UTP20: variants seen among roughly 807,000 people sequenced by gnomAD.
The protein encoded by UTP20 is UTP20 small subunit processome component.
Under a neutral mutation model 329.5 loss-of-function variants are expected in UTP20, and 164 were observed. That is an observed-to-expected ratio of 0.50 (90% CI 0.44 to 0.57). UTP20 has a LOEUF of 0.57. Among genes scored for constraint, UTP20 ranks in the 20% least tolerant of loss-of-function variants. UTP20 has a pLI of 0.00. For synonymous variants in UTP20, 1,151 were observed against 1,159.3 expected, an observed-to-expected ratio of 0.99 and a Z score of 0.14; for missense variants, 3,055 against 3,284.2, an observed-to-expected ratio of 0.93 and a Z score of 1.71.
chr12:101,375,016 T>C, intron 55 of UTP20, 77 bp downstream of exon 55: 2 of 1,017,944 alleles, frequency 2.0e-6, no homozygotes, highest in African/African-American at 3.2e-5. Context: ...AGATTAGATA[T>C]CAGCTTATAG....
At chr12:101,318,489 G>A (rs538578638) in intron 22 of UTP20, among the ~76,000 whole-genome samples, 1 of 152,208 alleles carries the variant, frequency 6.6e-6, no homozygotes, top group African/African-American at 2.4e-5. Context: ...AATCCTGCCT[G>A]GGTGAAATAT....
intron 56 of UTP20, 75 bp from the exon 57 acceptor site, chr12:101,379,296 A>G: frequency 7.4e-7 from 1 of 1,353,920 alleles, no homozygotes; most frequent in Middle Eastern, 2.1e-4. Flanking sequence ...TACTCTGTAA[A>G]TGCTTAACTT....
At chr12:101,300,440 A>G (rs1375770309) in intron 14 of UTP20, among the ~76,000 whole-genome samples, 1 of 152,142 alleles carries the variant, frequency 6.6e-6, no homozygotes, top group East Asian at 1.9e-4. Context: ...TGCAACTTTT[A>G]CAACTGTATG....
chr12:101,334,288 TTG>T, intron 28 of UTP20, 135 bp from the exon 29 acceptor site: 2 of 665,702 alleles, frequency 3.0e-6, no homozygotes, highest in Non-Finnish European at 4.9e-6. Flanking sequence ...CTTTTTCTTA[TTG>T]TGTCATTTGG....
At chr12:101,295,755 G>A in intron 12 of UTP20, 97 bp downstream of exon 12, 2 of 1,284,636 alleles carry the variant, frequency 1.6e-6, no homozygotes, top group Non-Finnish European at 2.1e-6. Flanking sequence ...ATATGTAACA[G>A]GAAAGATGTC....
intron 21 of UTP20, among the ~76,000 whole-genome samples, chr12:101,314,601 T>G (rs1315605125): frequency 8.1e-5 from 12 of 148,984 alleles, no homozygotes; most frequent in Non-Finnish European, 5.9e-5. Flanking sequence ...GAGGTTGCAG[T>G]GAGCCAAAAT....
rs1345281447 is a variant in UTP20 at position 101,304,985 on chromosome 12, C to CA, written c.1782-929dup. On this transcript the variant is annotated intron_variant, in intron 15 of 61. Transcript: ENST00000261637. ...CCCTCTGCCTAGAATGCTTTTCTTT[C>CA]AGATACCCTTTTAGCTGACTTTTTC... Among the ~76,000 whole-genome samples, 3 of 152,172 alleles carry CA rather than the reference C, an allele frequency of 2.0e-5. No homozygotes were observed. The East Asian group carries it at 5.8e-4, about 29-fold the overall frequency.
Position 101,329,249 on chromosome 12 carries a change from C to T in UTP20, c.3217C>T (p.His1073Tyr). Residue 1073 changes from histidine to tyrosine, a missense_variant, in exon 27 of 62, where the codon CAT (histidine) becomes TAT (tyrosine). Around this residue, in one of 3 missense-constraint regions of UTP20, gnomAD observed 2,445 missense variants for 2,575.5 expected, o/e 0.95. Transcript: ENST00000261637. ...PVRHFKNGECHSAVIQAVEDL... is the reference protein window; with the variant it reads ...PVRHFKNGECYSAVIQAVEDL... ...CCTCTTTGTTTCACTAGGAGAGTGC[C>T]ATTCTGCAGTCATTCAAGCAGTAGA... The T allele has an allele frequency of 6.2e-7, 1 of 1,613,928 alleles. No individual in the cohort carries two copies. Among genetic ancestry groups the T allele is most frequent in the Non-Finnish European group, 8.5e-7 (1 of 1,179,954 alleles).
Position 101,386,000 on chromosome 12 carries a change from A to G in UTP20, c.8235A>G (p.Lys2745=). The G allele has an allele frequency of 1.2e-6, 2 of 1,604,988 alleles. No individual in the cohort carries two copies. The highest frequency in any genetic ancestry group is 1.7e-6 in the Non-Finnish European group (2 of 1,176,776). Residue 2745 remains lysine (K), a synonymous_variant, in exon 62 of 62, where the codon AAA becomes AAG. Coordinates refer to ENST00000261637, the MANE Select transcript of UTP20 (RefSeq NM_014503.3). ...FVTNPDIAAK[K]KMKKHKNKSE... The stretch of plus-strand genomic sequence containing the variant: ...CTAATCCTGATATTGCTGCCAAGAA[A>G]AAAATGAAGAAACACAAAAATAAAA...
At chr12:101,286,854 G>A (rs112630850) in intron 5 of UTP20, among the ~76,000 whole-genome samples, 2 of 151,882 alleles carry the variant, frequency 1.3e-5, no homozygotes, top group Non-Finnish European at 2.9e-5. Flanking sequence ...GAATTGTTTG[G>A]TTATAATGTA....
rs375874181 is a variant in UTP20 at position 101,280,207 on chromosome 12, G to A, written c.-76G>A. On this transcript the variant is annotated 5_prime_UTR_variant, in exon 1 of 62. Transcript: ENST00000261637. ...AATCGGAGAGTATAGCCTGTGAGCC[G>A]CTTTCCCCTCCTTACTGTCGGTTGC... is the stretch of plus-strand genomic sequence containing the variant. 6.5e-7 allele frequency: 1 copy of A among 1,533,544 alleles called. No individual in the cohort carries two copies. The highest frequency in any genetic ancestry group is 2.5e-5 in the East Asian group (1 of 40,712). The allele number at this position is 1,533,544 out of a possible 1,614,324, so 95.0% of individuals were successfully genotyped here. A position where few individuals can be genotyped will look rare whatever the true frequency, so the allele number is the denominator to read the frequency against.
intron 43 of UTP20, among the ~76,000 whole-genome samples, chr12:101,358,376 T>C (rs955993158): frequency 6.6e-6 from 1 of 152,242 alleles, no homozygotes. Flanking sequence ...TTAGGCAATG[T>C]TATAATTTTT....
At chr12:101,298,539 G>A (rs1457222592) in intron 12 of UTP20, among the ~76,000 whole-genome samples, 1 of 152,094 alleles carries the variant, frequency 6.6e-6, no homozygotes, top group Non-Finnish European at 1.5e-5. Context: ...AGATGGAGGT[G>A]GGTGAGGGTC....
intron 60 of UTP20, among the ~76,000 whole-genome samples, chr12:101,384,718 G>GA (rs1174388598): frequency 1.3e-5 from 2 of 152,156 alleles, no homozygotes; most frequent in South Asian, 4.1e-4. Flanking sequence ...GAGGTAAAGT[G>GA]AATGTTCAGA....
intron 56 of UTP20, 80 bp downstream of exon 56, chr12:101,375,836 A>G (rs1870452909): frequency 1.1e-6 from 1 of 870,512 alleles, no homozygotes; most frequent in Non-Finnish European, 1.8e-6. Flanking sequence ...AAATTCGAAT[A>G]TGAATACTTC....
rs1870805763 is a variant in UTP20, at chr12:101,385,740, C to G, written c.8202+12C>G. ...GGAAGGCCCTGGAGGTAAGTTTGCT[C>G]TTTGAAAATATGGCATGTTCACTGG... On this transcript the variant is annotated intron_variant, in intron 61 of 61. Coordinates refer to ENST00000261637, the MANE Select transcript of UTP20 (RefSeq NM_014503.3). 3.7e-6 allele frequency: 6 copies of G among 1,607,838 alleles called. No homozygotes were observed. Among genetic ancestry groups the G allele is most frequent in the Admixed American group, 1.7e-5 (1 of 57,904 alleles).
intron 2 of UTP20, among the ~76,000 whole-genome samples, chr12:101,284,247 TC>T (rs1374955784): frequency 6.6e-6 from 1 of 152,134 alleles, no homozygotes; most frequent in African/African-American, 2.4e-5. Context: ...CCCCACTTCC[TC>T]CACCCTCTAG....
At chr12:101,347,326 C>A (rs1223088073) in intron 38 of UTP20, among the ~76,000 whole-genome samples, 2 of 151,978 alleles carry the variant, frequency 1.3e-5, no homozygotes. Context: ...AGTTTGAGAC[C>A]AGCCTGGCCA....
chr12:101,297,163 T>G (rs1222509531), intron 12 of UTP20, among the ~76,000 whole-genome samples: 1 of 152,138 alleles, frequency 6.6e-6, no homozygotes, highest in African/African-American at 2.4e-5. Flanking sequence ...GCTTTTGAGT[T>G]TGATCAGCTT....
Sources: gnomAD v4.1 joint callset for allele counts (sites outside exome capture counted in the v4.1 genomes callset) on GRCh38, gnomAD v4.1.1 for gene constraint, gnomAD v4.1.1 regional missense constraint, MANE v1.5 for transcripts, NCBI Gene and HGNC (gene_info 2026-07-23, HGNC 2026-07-21) for gene names.